ANP32E: variants seen among roughly 807,000 people sequenced by gnomAD.
ANP32E encodes the protein acidic nuclear phosphoprotein 32 family member E, also known as acidic leucine-rich nuclear phosphoprotein 32 family member E.
ANP32E carries 14 observed loss-of-function variants against 35.3 expected under a neutral mutation model. The ratio of observed to expected loss-of-function variants is 0.40; its 90% confidence interval spans 0.26 to 0.62. The LOEUF is 0.62. Ranked by LOEUF, ANP32E falls within the 20% of genes least tolerant of loss-of-function variation. ANP32E has a pLI of 0.45. For missense variants in ANP32E, 198 were observed against 304.4 expected (o/e 0.65, Z 2.60); for synonymous variants, 89 against 110.4 (o/e 0.81, Z 1.22).
intron 3 of ANP32E, among the ~76,000 whole-genome samples, chr1:150,230,031 C>T (rs1649231051): frequency 6.6e-6 from 1 of 152,162 alleles, no homozygotes; most frequent in Non-Finnish European, 1.5e-5. Context: ...GCTCACCTGG[C>T]TAATTTTTAT....
rs1648142239 is a variant in ANP32E, at chr1:150,219,087, G to A, written c.*1604C>T. On this transcript the variant is annotated 3_prime_UTR_variant, in exon 7 of 7. Coordinates refer to ENST00000583931, the MANE Select transcript of ANP32E (RefSeq NM_030920.5). The stretch of plus-strand genomic sequence containing the variant: ...CATAATTTTTACTTTAAAACACCAA[G>A]TCATACATTTTACATTGTAGAAGCA... 1 of 152,110 alleles carries A rather than the reference G, an allele frequency of 6.6e-6. No homozygotes were observed. Among genetic ancestry groups the A allele is most frequent in the Non-Finnish European group, 1.5e-5 (1 of 68,008 alleles). 9.4% of individuals were successfully genotyped at this position (152,110 alleles called of 1,614,324 possible). A position where few individuals can be genotyped will look rare whatever the true frequency, so the allele number is the denominator to read the frequency against.
rs1032383153 is a variant in ANP32E at position 150,229,390 on chromosome 1, C to A, written c.328-153G>T. Among the ~76,000 whole-genome samples the A allele has an allele frequency of 2.0e-5, 3 of 151,076 alleles. No individual in the cohort carries two copies. The East Asian group carries it at 5.8e-4, about 29-fold the overall frequency. ...TCTGCTCACTGCAACCTCCGCCTCCCGGGTTCAAGCGATTCTCTTGCCTCA... is the reference window on the plus strand; with the variant it reads ...TCTGCTCACTGCAACCTCCGCCTCCAGGGTTCAAGCGATTCTCTTGCCTCA... On this transcript the variant is annotated intron_variant, in intron 3 of 6. Transcript: ENST00000583931.
chr1:150,226,458 G>C (rs1043280409), intron 5 of ANP32E, 150 bp downstream of exon 5: 16 of 813,110 alleles, frequency 2.0e-5, no homozygotes, highest in Non-Finnish European at 2.8e-5. Flanking sequence ...GTTTGGGGTG[G>C]AGGACAATGA....
Position 150,233,179 on chromosome 1 carries a change from C to G in ANP32E, c.55-1253G>C, listed in dbSNP as rs1374339461. ...ACTCGGGAAGTTGAGGCAGGAGAAT[C>G]ACTTGAACCCGGGCAGCAGAGGTTG... On this transcript the variant is annotated intron_variant, in intron 1 of 6. Transcript: ENST00000583931. Among the ~76,000 whole-genome samples the G allele has an allele frequency of 2.7e-5, 4 of 147,450 alleles. No homozygotes were observed. In the East Asian group the frequency reaches 6.1e-4, roughly 23 times the overall value.
intron 1 of ANP32E, among the ~76,000 whole-genome samples, chr1:150,234,874 T>C (rs1252474102): frequency 1.3e-5 from 2 of 152,206 alleles, no homozygotes; most frequent in African/African-American, 2.4e-5. Context: ...ACCCCGTCTC[T>C]TTAAGGCGAC....
At chr1:150,224,488 C>T (rs1648709655) in intron 5 of ANP32E, among the ~76,000 whole-genome samples, 1 of 151,938 alleles carries the variant, frequency 6.6e-6, no homozygotes. Flanking sequence ...GCAGGAGAAT[C>T]GCTTGCACTC....
chr1:150,233,673 G>T (rs1649552482), intron 1 of ANP32E, among the ~76,000 whole-genome samples: 1 of 152,146 alleles, frequency 6.6e-6, no homozygotes, highest in Non-Finnish European at 1.5e-5. Flanking sequence ...TATACCCAAT[G>T]TGAAAACCTG....
chr1:150,222,567 A>T (rs949659237), intron 6 of ANP32E, among the ~76,000 whole-genome samples: 35 of 151,452 alleles, frequency 2.3e-4, no homozygotes, highest in South Asian at 4.1e-4. Flanking sequence ...AAGCCTGGGC[A>T]ATATGGCGAA....
At chr1:150,222,149 G>A (rs1382756202) in intron 6 of ANP32E, among the ~76,000 whole-genome samples, 12 of 152,020 alleles carry the variant, frequency 7.9e-5, no homozygotes, top group African/African-American at 1.4e-4. Flanking sequence ...GGCCGGGTGC[G>A]GTGGCTCACG....
intron 5 of ANP32E, among the ~76,000 whole-genome samples, chr1:150,225,615 G>A (rs968388459): frequency 9.0e-5 from 11 of 122,244 alleles, no homozygotes; most frequent in South Asian, 2.7e-4. Context: ...AGGTTGCAGT[G>A]AGTCAAGATC....
chr1:150,228,985 C>T (rs1649114549), intron 4 of ANP32E, 87 bp downstream of exon 4: 2 of 1,186,118 alleles, frequency 1.7e-6, no homozygotes, highest in East Asian at 2.6e-5. Context: ...TTTTTTTTCA[C>T]ACCTAAATTT....
In ANP32E at chr1:150,226,787, C is replaced by T; in HGVS notation, c.502G>A (p.Glu168Lys). ...TTTTCCTCTTCCTCTTCATCATCTT[C>T]ATCGCCATCTTTAAAAAATCATTTA... The part of the protein sequence containing the change: ...SEEEDDEDGD[E>K]DDEEEEENEA... Residue 168 changes from glutamate (E) to lysine (K), a missense_variant, in exon 5 of 7, where the codon GAA becomes AAA. Transcript: ENST00000583931. 1 of 1,601,806 alleles carries T rather than the reference C, an allele frequency of 6.2e-7. No homozygotes were observed. The highest frequency in any genetic ancestry group is 8.5e-7 in the Non-Finnish European group (1 of 1,175,670).
chr1:150,221,730 T>C (rs966505402), intron 6 of ANP32E, among the ~76,000 whole-genome samples: 5 of 152,212 alleles, frequency 3.3e-5, no homozygotes, highest in South Asian at 2.1e-4. Flanking sequence ...CTATGCACCC[T>C]TGTGGCCATA....
chr1:150,223,763 G>A (rs1282662608), intron 5 of ANP32E, among the ~76,000 whole-genome samples: 2 of 72,140 alleles, frequency 2.8e-5, no homozygotes, highest in African/African-American at 1.1e-4. Context: ...TTTTTTTTTT[G>A]AGACAGAGTT....
Position 150,232,111 on chromosome 1 carries a change from G to A in ANP32E, c.55-185C>T, listed in dbSNP as rs1194153301. ...TGTAATCCCAGCACTTTCGGAGGCC[G>A]AGGCGGGCGGATCACGAGGTCAGGA... On this transcript the variant is annotated intron_variant, in intron 1 of 6. Coordinates refer to ENST00000583931, the MANE Select transcript of ANP32E (RefSeq NM_030920.5). 2.6e-5 allele frequency among the ~76,000 whole-genome samples: 4 copies of A among 151,860 alleles called. No homozygotes were observed. In the East Asian group the frequency reaches 5.8e-4, roughly 22 times the overall value.
At chr1:150,234,541 T>C (rs1320233210) in intron 1 of ANP32E, 2 of 968,670 alleles carry the variant, frequency 2.1e-6, no homozygotes, top group African/African-American at 1.8e-5. Context: ...TATATCCTTC[T>C]ATCGATCGGT....
chr1:150,229,292 T>TTTTTTA, intron 3 of ANP32E, 55 bp from the exon 4 acceptor site: 2 of 848,212 alleles, frequency 2.4e-6, no homozygotes, highest in Non-Finnish European at 3.3e-6. Context: ...ATGTTATTTC[T>TTTTTTA]TTTTTCTTTT....
chr1:150,226,658 C>T lies in ANP32E; in HGVS notation c.631G>A (p.Glu211Lys). The T allele has an allele frequency of 6.2e-7, 1 of 1,612,990 alleles. No individual in the cohort carries two copies. Among genetic ancestry groups the T allele is most frequent in the Non-Finnish European group, 8.5e-7 (1 of 1,179,138 alleles). The change falls in exon 5 of 7, where the codon GAG becomes AAG. Residue 211 changes from glutamate to lysine, a missense_variant. Around this residue, in one of 4 missense-constraint regions of ANP32E, gnomAD observed 121 missense variants for 137.3 expected, o/e 0.88. Coordinates refer to ENST00000583931, the MANE Select transcript of ANP32E (RefSeq NM_030920.5). ...DEDEAGSELG[E>K]GEEEVGLSYL... is the part of the protein sequence containing the mutation. ...GAGAGGCCCACTTCCTCTTCTCCCT[C>T]TCCCAACTCTGAACCTGCTTCATCT...
chr1:150,231,976 TAGGTA>T, intron 1 of ANP32E, 50 bp from the exon 2 acceptor site: 1 of 1,561,834 alleles, frequency 6.4e-7, no homozygotes, highest in African/African-American at 1.4e-5. Context: ...GTAATCTGTT[TAGGTA>T]GAGACCTGGG....
Sources: allele counts gnomAD v4.1 joint callset (sites outside exome capture counted in the v4.1 genomes callset), GRCh38; gene constraint gnomAD v4.1.1; regional missense constraint gnomAD v4.1.1; transcripts MANE v1.5; gene names NCBI Gene and HGNC (gene_info 2026-07-23, HGNC 2026-07-21).